The following USH2A variants were observed in gnomAD, a reference collection of about 807,000 sequenced individuals.
USH2A encodes the protein Usher syndrome 2A (autosomal recessive, mild).
A neutral mutation model predicts 538.9 loss-of-function variants in USH2A; 443 were observed. The observed-to-expected ratio is 0.82, with a 90% confidence interval of 0.76 to 0.89. The LOEUF is 0.89. Among genes scored for constraint, USH2A ranks in the 40% least tolerant of loss-of-function variants. The probability of loss-of-function intolerance (pLI) is 0.00; values close to 1 mark genes in which losing one functional copy is unlikely to be tolerated. For synonymous variants in USH2A, 2,413 were observed against 2,273.5 expected (o/e 1.06, Z -1.75); for missense variants, 6,633 against 6,324.8 (o/e 1.05, Z -1.65).
At chr1:215,653,544 G>C (rs1221856139) in intron 64 of USH2A, among the ~76,000 whole-genome samples, 1 of 152,204 alleles carries the variant, frequency 6.6e-6, no homozygotes, top group Non-Finnish European at 1.5e-5. Context: ...AGCTGACTGA[G>C]ATAATGAAGC....
At chr1:215,957,964 C>A (rs1412877188) in intron 37 of USH2A, among the ~76,000 whole-genome samples, 5 of 152,114 alleles carry the variant, frequency 3.3e-5, no homozygotes, top group Admixed American at 3.3e-4. Flanking sequence ...GCAAGCACAG[C>A]TCTGAAACCG....
At chr1:215,680,864 C>T (rs1658205005) in intron 61 of USH2A, among the ~76,000 whole-genome samples, 1 of 152,070 alleles carries the variant, frequency 6.6e-6, no homozygotes, top group Non-Finnish European at 1.5e-5. Context: ...CAGTCTCCCT[C>T]TCTCATTCTC....
intron 71 of USH2A, among the ~76,000 whole-genome samples, chr1:215,626,721 A>G (rs1195940940): frequency 6.6e-6 from 1 of 152,202 alleles, no homozygotes; most frequent in African/African-American, 2.4e-5. Context: ...TGTTTTTAAG[A>G]ACCCAAACCC....
chr1:216,368,490 G>A (rs973711324), intron 3 of USH2A, among the ~76,000 whole-genome samples: 1 of 152,142 alleles, frequency 6.6e-6, no homozygotes, highest in Non-Finnish European at 1.5e-5. Context: ...TGCTGAATTT[G>A]TTACTGGACA....
chr1:216,273,270 G>A (rs966551927), intron 11 of USH2A, among the ~76,000 whole-genome samples: 5 of 152,028 alleles, frequency 3.3e-5, no homozygotes, highest in Admixed American at 2.6e-4. Context: ...TGATCCAATA[G>A]CCAGTGACTG....
At chr1:215,867,686 T>C (rs1483338082) in intron 43 of USH2A, among the ~76,000 whole-genome samples, 6 of 152,208 alleles carry the variant, frequency 3.9e-5, no homozygotes, top group Admixed American at 3.3e-4. Context: ...CTAAATTAAA[T>C]TGTAACTGTG....
intron 21 of USH2A, among the ~76,000 whole-genome samples, chr1:216,144,823 T>C (rs2033663905): frequency 6.6e-6 from 1 of 152,220 alleles, no homozygotes; most frequent in Admixed American, 6.5e-5. Context: ...TCCTAGGGTC[T>C]GTCCCTAACC....
intron 13 of USH2A, among the ~76,000 whole-genome samples, chr1:216,243,225 T>C (rs1406369279): frequency 6.6e-6 from 1 of 152,118 alleles, no homozygotes; most frequent in Non-Finnish European, 1.5e-5. Context: ...CAAGAAGGGA[T>C]TTTGTGCATA....
At chr1:216,277,112 G>T (rs1040757345) in intron 11 of USH2A, among the ~76,000 whole-genome samples, 2 of 152,024 alleles carry the variant, frequency 1.3e-5, no homozygotes, top group Admixed American at 6.6e-5. Context: ...TACAGCCTAT[G>T]GTGTCTGTTC....
At chr1:215,855,046 C>T (rs1180369109) in intron 44 of USH2A, among the ~76,000 whole-genome samples, 1 of 152,124 alleles carries the variant, frequency 6.6e-6, no homozygotes, top group Admixed American at 6.5e-5. Context: ...AAAAGGAAAA[C>T]CTTATTGAGG....
At chr1:215,766,652 C>T in intron 56 of USH2A, 29 bp downstream of exon 56, 1 of 1,594,672 alleles carries the variant, frequency 6.3e-7, no homozygotes, top group African/African-American at 1.3e-5. Context: ...AAAATTTCTT[C>T]CCTCAAACCA....
chr1:216,137,689 C>A (rs879669290), intron 21 of USH2A, among the ~76,000 whole-genome samples: 2 of 152,182 alleles, frequency 1.3e-5, no homozygotes, highest in Non-Finnish European at 1.5e-5. Flanking sequence ...CTAGCCAAAC[C>A]GGCAGCTGAT....
chr1:215,766,611 G>T, intron 56 of USH2A, 70 bp downstream of exon 56: 1 of 1,371,980 alleles, frequency 7.3e-7, no homozygotes, highest in Non-Finnish European at 1.0e-6. Flanking sequence ...TTATGAAGGA[G>T]TTTACAGATT....
intron 47 of USH2A, among the ~76,000 whole-genome samples, chr1:215,826,557 C>A (rs368606757): frequency 6.6e-6 from 1 of 152,068 alleles, no homozygotes; most frequent in Admixed American, 6.5e-5. Flanking sequence ...GAACTAGATG[C>A]GAGGCTAATA....
At chr1:215,699,227 T>C (rs545491307) in intron 61 of USH2A, among the ~76,000 whole-genome samples, 37 of 152,312 alleles carry the variant, frequency 2.4e-4, no homozygotes, top group African/African-American at 8.4e-4. Context: ...TGTAGCCTTG[T>C]AGTATAGTTT....
intron 32 of USH2A, among the ~76,000 whole-genome samples, chr1:216,030,297 A>T (rs969531974): frequency 6.6e-5 from 9 of 135,720 alleles, no homozygotes; most frequent in Non-Finnish European, 1.2e-4. Context: ...ATAATATATA[A>T]GATATATAGA....
chr1:216,127,828 T>G (rs2102599849), intron 21 of USH2A, among the ~76,000 whole-genome samples: 1 of 152,288 alleles, frequency 6.6e-6, no homozygotes, highest in African/African-American at 2.4e-5. Flanking sequence ...GAATGGCCTT[T>G]CCTTGGAGCC....
chr1:215,733,200 G>T lies in USH2A; in HGVS notation c.11712-4816C>A, dbSNP rs1403652879. ...CAGGAGCAAGAGAGAGAGGTGGCGG[G>T]GGGGCGGGGGGCGGGTGGAGTCCTA... On this transcript the variant is annotated intron_variant, in intron 60 of 71. Transcript: ENST00000307340. Among the ~76,000 whole-genome samples the T allele has an allele frequency of 5.6e-5, 8 of 141,702 alleles. No homozygotes were observed. In the East Asian group the frequency reaches 1.4e-3, roughly 24 times the overall value. 93.0% of individuals were successfully genotyped at this position (141,702 alleles called of 152,430 possible). A position where few individuals can be genotyped will look rare whatever the true frequency, so the allele number is the denominator to read the frequency against.
Position 216,250,947 on chromosome 1 carries a change from C to T in USH2A, c.2123G>A (p.Cys708Tyr). The change falls in exon 12 of 72, where the codon TGT becomes TAT. Residue 708 changes from cysteine (C) to tyrosine (Y), a missense_variant. Transcript: ENST00000307340. ...CTTGCACTGGCCTGAATTTTGGTGA[C>T]AGGTAATATCTCCATCCACTGTCCC... is the stretch of plus-strand genomic sequence containing the variant. ...TSGTVDGDIT[C>Y]HQNSGQCKCK... 6.2e-7 allele frequency: 1 copy of T among 1,614,018 alleles called. No individual in the cohort carries two copies. Among genetic ancestry groups the T allele is most frequent in the Non-Finnish European group, 8.5e-7 (1 of 1,179,974 alleles).
Sources: gnomAD v4.1 joint callset for allele counts (sites outside exome capture counted in the v4.1 genomes callset) on GRCh38, gnomAD v4.1.1 for gene constraint, MANE v1.5 for transcripts, NCBI Gene and HGNC (gene_info 2026-07-23, HGNC 2026-07-21) for gene names.